The following RBFOX1 variants were observed in gnomAD, a reference collection of about 807,000 sequenced individuals.
RBFOX1 encodes the protein RNA binding protein fox-1 homolog 1.
A neutral mutation model predicts 57.7 loss-of-function variants in RBFOX1; 8 were observed. The observed-to-expected ratio is 0.14, with a 90% CI of 0.08 to 0.25. RBFOX1 has a LOEUF of 0.25. Ranked by LOEUF, RBFOX1 falls within the 10% of genes least tolerant of loss-of-function variation. The pLI is 1.00. For synonymous variants in RBFOX1, 326 were observed against 222.4 expected, an observed-to-expected ratio of 1.47 and a Z score of -4.15; for missense variants, 611 against 548.5, an observed-to-expected ratio of 1.11 and a Z score of -1.14.
chr16:7,379,172 C>G (rs2097740751), intron 4 of RBFOX1, among the ~76,000 whole-genome samples: 1 of 152,130 alleles, frequency 6.6e-6, no homozygotes, highest in African/African-American at 2.4e-5. Flanking sequence ...TCTCTTTCCT[C>G]TCAAGGTTAA....
chr16:6,953,685 C>T (rs2081222614), intron 3 of RBFOX1, among the ~76,000 whole-genome samples: 1 of 152,142 alleles, frequency 6.6e-6, no homozygotes, highest in Non-Finnish European at 1.5e-5. Flanking sequence ...CAGTGCCCAG[C>T]CTCACACGCA....
At chr16:6,699,960 A>T (rs1184548851) in intron 3 of RBFOX1, among the ~76,000 whole-genome samples, 1 of 152,182 alleles carries the variant, frequency 6.6e-6, no homozygotes, top group African/African-American at 2.4e-5. Flanking sequence ...ATCAAAACAT[A>T]ATTTGCCCTG....
chr16:6,199,892 C>G (rs1478186490), intron 1 of RBFOX1, among the ~76,000 whole-genome samples: 2 of 152,168 alleles, frequency 1.3e-5, no homozygotes, highest in African/African-American at 4.8e-5. Flanking sequence ...AAGAAAAACA[C>G]ATAAGTTATG....
At chr16:6,906,988 T>G (rs2070170458) in intron 3 of RBFOX1, among the ~76,000 whole-genome samples, 1 of 152,128 alleles carries the variant, frequency 6.6e-6, no homozygotes, top group Non-Finnish European at 1.5e-5. Context: ...CTTCCCAAAG[T>G]GCTAGGATTA....
rs912080239 is a variant in RBFOX1 at position 7,432,187 on chromosome 16, C to T, written c.28-85960C>T. On this transcript the variant is annotated intron_variant, in intron 4 of 15. Transcript: ENST00000550418. ...TGGCACCCAGAGCTTTTGCCTGGGG[C>T]GGAAATGTGGCTGTCTGACTTTTCT... Among the ~76,000 whole-genome samples, 8 of 152,286 alleles carry T rather than the reference C, an allele frequency of 5.3e-5. No homozygotes were observed. The East Asian group carries it at 7.7e-4, about 15-fold the overall frequency.
chr16:7,137,049 A>G (rs984190362), intron 4 of RBFOX1, among the ~76,000 whole-genome samples: 16 of 152,160 alleles, frequency 1.1e-4, no homozygotes, highest in African/African-American at 3.4e-4. Flanking sequence ...TATTTGTATC[A>G]CCAAACACTA....
intron 4 of RBFOX1, among the ~76,000 whole-genome samples, chr16:7,310,449 A>G (rs186036421): frequency 2.0e-5 from 3 of 152,180 alleles, no homozygotes; most frequent in Non-Finnish European, 4.4e-5. Context: ...GAAGGAGAAG[A>G]TGTTGATCAA....
chr16:7,522,917 C>T (rs2077825235), intron 5 of RBFOX1, among the ~76,000 whole-genome samples: 1 of 152,140 alleles, frequency 6.6e-6, no homozygotes, highest in Non-Finnish European at 1.5e-5. Context: ...GCATGCACAA[C>T]CATTACTGCT....
chr16:6,027,395 T>C (rs1289567022), intron 1 of RBFOX1, among the ~76,000 whole-genome samples: 2 of 152,120 alleles, frequency 1.3e-5, no homozygotes, highest in Non-Finnish European at 2.9e-5. Context: ...AGAGGCACCA[T>C]GATAAGGTAC....
intron 2 of RBFOX1, among the ~76,000 whole-genome samples, chr16:6,480,271 TAAAAC>T (rs2153095456): frequency 6.6e-6 from 1 of 152,288 alleles, no homozygotes; most frequent in African/African-American, 2.4e-5. Context: ...ACTTTTCACT[TAAAAC>T]AAGTTATATG....
intron 1 of RBFOX1, among the ~76,000 whole-genome samples, chr16:5,453,355 G>A (rs2068485601): frequency 2.0e-5 from 3 of 152,100 alleles, no homozygotes; most frequent in Admixed American, 2.0e-4. Context: ...ATGGGAGTAG[G>A]GAAGTGCATT....
intron 3 of RBFOX1, among the ~76,000 whole-genome samples, chr16:6,790,665 T>A (rs2082769359): frequency 6.6e-6 from 1 of 152,166 alleles, no homozygotes; most frequent in Admixed American, 6.5e-5. Flanking sequence ...TGTCTGTCAT[T>A]ATTTTCACTT....
At chr16:7,384,225 A>G (rs2097840332) in intron 4 of RBFOX1, among the ~76,000 whole-genome samples, 2 of 151,964 alleles carry the variant, frequency 1.3e-5, no homozygotes, top group South Asian at 2.1e-4. Flanking sequence ...TGAAATATAT[A>G]TATGAATATG....
intron 4 of RBFOX1, among the ~76,000 whole-genome samples, chr16:7,377,714 G>C (rs1185741638): frequency 6.6e-6 from 1 of 152,186 alleles, no homozygotes; most frequent in African/African-American, 2.4e-5. Context: ...TGGGATCTAA[G>C]AACAATTTCA....
rs535494770 is a variant in RBFOX1 at position 6,401,717 on chromosome 16, G to A, written c.-64+84660G>A. 5.3e-5 allele frequency among the ~76,000 whole-genome samples: 8 copies of A among 152,216 alleles called. No homozygotes were observed. The South Asian group carries it at 1.2e-3, about 24-fold the overall frequency. ...TCCATTGTTCTTAGACGCAGAGAAC[G>A]AAGGAAGAAATCAAAGTTTAAAGAT... On this transcript the variant is annotated intron_variant, in intron 2 of 15. Coordinates refer to ENST00000550418, the MANE Select transcript of RBFOX1 (RefSeq NM_018723.4).
intron 5 of RBFOX1, among the ~76,000 whole-genome samples, chr16:7,543,615 G>C (rs926409246): frequency 6.6e-6 from 1 of 150,976 alleles, no homozygotes; most frequent in African/African-American, 2.4e-5. Flanking sequence ...ATTGCTTAAG[G>C]ATTTCTTAAC....
chr16:6,414,609 A>G (rs979591373), intron 2 of RBFOX1, among the ~76,000 whole-genome samples: 1 of 152,212 alleles, frequency 6.6e-6, no homozygotes, highest in Admixed American at 6.5e-5. Flanking sequence ...ATTCAAGCTT[A>G]TATCCCACCC....
At chr16:6,924,762 T>A (rs1178304262) in intron 3 of RBFOX1, among the ~76,000 whole-genome samples, 2 of 151,832 alleles carry the variant, frequency 1.3e-5, no homozygotes, top group African/African-American at 4.8e-5. Flanking sequence ...ACATGTGCCA[T>A]GTTGGTGTGC....
chr16:6,778,153 G>A (rs956385904), intron 3 of RBFOX1, among the ~76,000 whole-genome samples: 10 of 152,134 alleles, frequency 6.6e-5, no homozygotes, highest in Non-Finnish European at 1.0e-4. Flanking sequence ...ATGGCTTCAT[G>A]AGAATCGAAT....
Sources: allele counts gnomAD v4.1 joint callset (sites outside exome capture counted in the v4.1 genomes callset), GRCh38; gene constraint gnomAD v4.1.1; transcripts MANE v1.5; gene names NCBI Gene and HGNC (gene_info 2026-07-23, HGNC 2026-07-21).